Variants in ASAP1 observed in about 807,000 individuals in gnomAD.
ASAP1 encodes the protein arf-GAP with SH3 domain, ANK repeat and PH domain-containing protein 1.
Under a neutral mutation model 145.2 loss-of-function variants are expected in ASAP1, and 43 were observed. The observed-to-expected ratio is 0.30, with a 90% confidence interval of 0.23 to 0.38. The LOEUF (loss-of-function observed/expected upper bound fraction) is 0.38, where lower values mean the gene tolerates loss of function less well. Among genes scored for constraint, ASAP1 ranks in the 10% least tolerant of loss-of-function variants. The pLI is 1.00. For synonymous variants in ASAP1, 546 were observed against 515.5 expected (o/e 1.06, Z -0.80); for missense variants, 1,018 against 1,355.3 (o/e 0.75, Z 3.91).
chr8:130,062,205 CA>C (rs2097421074), intron 27 of ASAP1, among the ~76,000 whole-genome samples: 1 of 152,202 alleles, frequency 6.6e-6, no homozygotes, highest in Non-Finnish European at 1.5e-5. Flanking sequence ...ACATAGCCTG[CA>C]CTCAGGGAGG....
chr8:130,269,798 T>C (rs149805124), intron 3 of ASAP1, among the ~76,000 whole-genome samples: 2,723 of 152,350 alleles, frequency 0.018, 71 homozygotes, highest in Admixed American at 0.063. Flanking sequence ...ATCTGGTCTC[T>C]GGTACCTGCA....
intron 25 of ASAP1, among the ~76,000 whole-genome samples, chr8:130,080,833 A>C (rs2135323800): frequency 6.6e-6 from 1 of 152,230 alleles, no homozygotes; most frequent in Non-Finnish European, 1.5e-5. Flanking sequence ...GGGTTTCACC[A>C]TGTTAGCCAG....
intron 3 of ASAP1, among the ~76,000 whole-genome samples, chr8:130,249,323 A>C (rs1565134570): frequency 6.6e-6 from 1 of 152,158 alleles, no homozygotes; most frequent in Non-Finnish European, 1.5e-5. Context: ...TCGCCTTTGC[A>C]GCCAACCCAC....
At chr8:130,222,153 T>A (rs1241854472) in intron 4 of ASAP1, among the ~76,000 whole-genome samples, 1 of 152,214 alleles carries the variant, frequency 6.6e-6, no homozygotes, top group Non-Finnish European at 1.5e-5. Flanking sequence ...AATTCAATAC[T>A]CTTTAAACAT....
intron 6 of ASAP1, 50 bp from the exon 7 acceptor site, chr8:130,187,335 TTAA>T: frequency 7.0e-7 from 1 of 1,430,868 alleles, no homozygotes. Context: ...TTGCTGAAAA[TTAA>T]TAAATAGTTT....
chr8:130,224,254 T>C (rs1392528570), intron 4 of ASAP1, among the ~76,000 whole-genome samples: 2 of 152,214 alleles, frequency 1.3e-5, no homozygotes, highest in South Asian at 2.1e-4. Context: ...AGCTATAATG[T>C]AATAATAAAG....
intron 2 of ASAP1, chr8:130,361,879 G>A (rs1321187737): frequency 1.7e-5 from 13 of 757,614 alleles, no homozygotes; most frequent in Admixed American, 1.0e-4. Context: ...AAAAATGTGC[G>A]CACACACATA....
At chr8:130,136,850 CTG>C (rs1365874078) in intron 14 of ASAP1, 99 bp downstream of exon 14, 1 of 992,814 alleles carries the variant, frequency 1.0e-6, no homozygotes, top group Admixed American at 1.8e-5. Context: ...CCAATGCCAA[CTG>C]TGAGGAGCCC....
chr8:130,369,889 C>T (rs1160944326), intron 2 of ASAP1, among the ~76,000 whole-genome samples: 2 of 152,140 alleles, frequency 1.3e-5, no homozygotes, highest in East Asian at 3.9e-4. Context: ...TGCATGTGTC[C>T]CACCCAAATT....
At chr8:130,072,464 C>A (rs1288335547) in intron 27 of ASAP1, among the ~76,000 whole-genome samples, 5 of 152,100 alleles carry the variant, frequency 3.3e-5, no homozygotes. Flanking sequence ...ACGTGCCTTT[C>A]GCCTTCTGCC....
At chr8:130,078,323 G>T (rs2097469184) in intron 26 of ASAP1, among the ~76,000 whole-genome samples, 2 of 151,916 alleles carry the variant, frequency 1.3e-5, no homozygotes, top group African/African-American at 4.8e-5. Context: ...TTGAGACAGG[G>T]TCTTGCTGTC....
chr8:130,349,068 C>T (rs931864681), intron 3 of ASAP1, among the ~76,000 whole-genome samples: 9 of 152,216 alleles, frequency 5.9e-5, no homozygotes, highest in Non-Finnish European at 1.5e-5. Flanking sequence ...GCCCATCAGG[C>T]TGGCCTGGGT....
intron 27 of ASAP1, among the ~76,000 whole-genome samples, chr8:130,065,268 G>C (rs150319021): frequency 6.6e-6 from 1 of 152,298 alleles, no homozygotes; most frequent in East Asian, 1.9e-4. Context: ...CTGAGCACAG[G>C]AGCTTCTGAA....
At chr8:130,245,667 G>C (rs1818804846) in intron 3 of ASAP1, among the ~76,000 whole-genome samples, 1 of 152,140 alleles carries the variant, frequency 6.6e-6, no homozygotes, top group Non-Finnish European at 1.5e-5. Flanking sequence ...GTGTGTATAC[G>C]TTTTGAGGGC....
chr8:130,128,909 T>C (rs1231855100), intron 15 of ASAP1, among the ~76,000 whole-genome samples: 5 of 152,234 alleles, frequency 3.3e-5, no homozygotes, highest in Admixed American at 2.0e-4. Flanking sequence ...AAACCTATTA[T>C]ATGATTGATA....
intron 3 of ASAP1, among the ~76,000 whole-genome samples, chr8:130,317,132 T>C (rs1242088663): frequency 6.6e-6 from 1 of 152,106 alleles, no homozygotes; most frequent in African/African-American, 2.4e-5. Flanking sequence ...AACAAAACTT[T>C]TTAGGAAAGT....
chr8:130,414,734 A>G (rs1429634034), intron 1 of ASAP1, among the ~76,000 whole-genome samples: 1 of 151,282 alleles, frequency 6.6e-6, no homozygotes, highest in Non-Finnish European at 1.5e-5. Context: ...GAGGGTGGGA[A>G]TATTGTTTGT....
chr8:130,180,924 C>A, intron 7 of ASAP1, 44 bp from the exon 8 acceptor site: 1 of 1,425,906 alleles, frequency 7.0e-7, no homozygotes, highest in Non-Finnish European at 9.7e-7. Flanking sequence ...AAAAAATACA[C>A]TCATGTACAA....
At chr8:130,098,194 G>A (rs1176352345) in intron 24 of ASAP1, among the ~76,000 whole-genome samples, 1 of 152,124 alleles carries the variant, frequency 6.6e-6, no homozygotes, top group Non-Finnish European at 1.5e-5. Flanking sequence ...GAGCAGCTAC[G>A]TCCAGGCAGA....
Sources: gnomAD v4.1 joint callset for allele counts (sites outside exome capture counted in the v4.1 genomes callset) on GRCh38, gnomAD v4.1.1 for gene constraint, MANE v1.5 for transcripts, NCBI Gene and HGNC (gene_info 2026-07-23, HGNC 2026-07-21) for gene names.